CTPS2: variants seen among roughly 807,000 people sequenced by gnomAD.
CTPS2 encodes the protein CTP synthase II.
A neutral mutation model predicts 46.8 loss-of-function variants in CTPS2; 19 were observed. The observed-to-expected ratio is 0.41, with a 90% CI of 0.28 to 0.60. CTPS2 has a LOEUF of 0.60. Ranked by LOEUF, CTPS2 falls within the 20% of genes least tolerant of loss-of-function variation. The pLI is 0.35. For missense variants in CTPS2, 286 were observed against 447.6 expected (o/e 0.64, Z 3.26); for synonymous variants, 151 against 165.2 (o/e 0.91, Z 0.66).
rs147354532 is a variant in CTPS2, at chrX:16,686,263, G to C, written c.873-3037C>G. Reference sequence around the variant, plus strand: ...TTTGTATTGCAAAGAAAGGATAAAGGCTTGAGGTGATGGATACTCCATTTA... The same window carrying C: ...TTTGTATTGCAAAGAAAGGATAAAGCCTTGAGGTGATGGATACTCCATTTA... On this transcript the variant is annotated intron_variant, in intron 8 of 18. Coordinates refer to ENST00000359276, the MANE Select transcript of CTPS2 (RefSeq NM_175859.3). Among the ~76,000 whole-genome samples, 842 of 111,999 alleles carry C rather than the reference G, an allele frequency of 7.5e-3. 6 individuals are homozygous for C. Among genetic ancestry groups the C allele is most frequent in the African/African-American group, 0.026 (796 of 30,869 alleles).
chrX:16,636,919 A>AAAAAAAT (rs767872415), intron 14 of CTPS2, among the ~76,000 whole-genome samples: 3 of 111,329 alleles, frequency 2.7e-5, no homozygotes, highest in East Asian at 2.8e-4. Context: ...TCCGTCTCAA[A>AAAAAAAT]AAAAAATAAA....
At chrX:16,619,554 A>C (rs1043268665) in intron 15 of CTPS2, among the ~76,000 whole-genome samples, 7 of 110,790 alleles carry the variant, frequency 6.3e-5, no homozygotes, top group Non-Finnish European at 1.3e-4. Context: ...CAGAGACAAC[A>C]GGAGCCCTGG....
chrX:16,709,202 C>A (rs1479181070), intron 1 of CTPS2, among the ~76,000 whole-genome samples: 1 of 110,507 alleles, frequency 9.0e-6, no homozygotes, highest in Non-Finnish European at 1.9e-5. Flanking sequence ...CCAAGACGGG[C>A]GGATTGCCTG....
chrX:16,655,125 C>T (rs937834707), intron 13 of CTPS2, among the ~76,000 whole-genome samples: 1 of 111,292 alleles, frequency 9.0e-6, no homozygotes, highest in Non-Finnish European at 1.9e-5. Flanking sequence ...TATCCACTAG[C>T]GAGCAAGAAA....
chrX:16,694,905 G>A (rs1270578104), intron 4 of CTPS2, among the ~76,000 whole-genome samples: 3 of 111,501 alleles, frequency 2.7e-5, no homozygotes, highest in Non-Finnish European at 5.6e-5. Context: ...TGAGGTGGGA[G>A]GATCGCTTGA....
At chrX:16,632,899 GT>G (rs1931552901) in intron 14 of CTPS2, among the ~76,000 whole-genome samples, 1 of 110,691 alleles carries the variant, frequency 9.0e-6, no homozygotes, top group Non-Finnish European at 1.9e-5. Context: ...AAATAAGGAG[GT>G]TAGATCAAAC....
At chrX:16,619,656 C>T (rs1016889673) in intron 15 of CTPS2, among the ~76,000 whole-genome samples, 2 of 111,415 alleles carry the variant, frequency 1.8e-5, no homozygotes, top group Non-Finnish European at 3.8e-5. Context: ...TGAGTGACAA[C>T]AAGCAGGGAT....
intron 1 of CTPS2, among the ~76,000 whole-genome samples, chrX:16,710,809 G>A (rs1925411392): frequency 8.9e-6 from 1 of 112,080 alleles, no homozygotes; most frequent in Non-Finnish European, 1.9e-5. Context: ...AGTAGAGACA[G>A]GGTTTCACCA....
At chrX:16,660,353 A>G (rs1253970713) in intron 13 of CTPS2, among the ~76,000 whole-genome samples, 1 of 110,284 alleles carries the variant, frequency 9.1e-6, no homozygotes, top group Non-Finnish European at 1.9e-5. Flanking sequence ...AGGAGCTGGG[A>G]CTACAGGTAC....
intron 1 of CTPS2, 80 bp from the exon 2 acceptor site, chrX:16,703,021 A>T: frequency 1.8e-6 from 1 of 571,346 alleles, no homozygotes; most frequent in Non-Finnish European, 2.6e-6. Context: ...AACCAGAATT[A>T]ATTTTTTTTT....
At chrX:16,650,704 C>G (rs1437214931) in intron 13 of CTPS2, among the ~76,000 whole-genome samples, 1 of 109,011 alleles carries the variant, frequency 9.2e-6, no homozygotes, top group African/African-American at 3.3e-5. Flanking sequence ...CAGGGTCTCA[C>G]CATGTTGGCC....
chrX:16,655,666 T>A lies in CTPS2; in HGVS notation c.1296+11848A>T, dbSNP rs1190338787. ...CTGGTCACAGCAGTGCCCCGGAAGCTAGATTTTTATTTCTTCTTTATCCTC... is the reference window on the plus strand; with the variant it reads ...CTGGTCACAGCAGTGCCCCGGAAGCAAGATTTTTATTTCTTCTTTATCCTC... On this transcript the variant is annotated intron_variant, in intron 13 of 18. Coordinates refer to ENST00000359276, the MANE Select transcript of CTPS2 (RefSeq NM_175859.3). Among the ~76,000 whole-genome samples, 2 of 112,276 alleles carry A rather than the reference T, an allele frequency of 1.8e-5. 1 individual carries two copies. Among genetic ancestry groups the A allele is most frequent in the Non-Finnish European group, 3.8e-5 (2 of 53,243 alleles).
At chrX:16,667,293 CAGCT>C (rs1921277253) in intron 13 of CTPS2, among the ~76,000 whole-genome samples, 1 of 110,023 alleles carries the variant, frequency 9.1e-6, no homozygotes, top group South Asian at 3.9e-4. Flanking sequence ...CCACCACAGC[CAGCT>C]AATTTTTGTA....
At chrX:16,668,760 G>A (rs1277257871) in intron 11 of CTPS2, among the ~76,000 whole-genome samples, 2 of 79,567 alleles carry the variant, frequency 2.5e-5, no homozygotes, top group African/African-American at 5.3e-5. Flanking sequence ...AAAGAAGGAA[G>A]GAAGGAAGGA....
rs549821427 is a variant in CTPS2, at chrX:16,675,041, G to A, written c.1094+3321C>T. 4.4e-4 allele frequency among the ~76,000 whole-genome samples: 48 copies of A among 109,986 alleles called. No homozygotes were observed. The South Asian group carries it at 0.017, about 39-fold the overall frequency. Reference sequence around the variant, plus strand: ...AGCACTTTGGGAGGCTGAGGTGGGCGAATCACTTGAGGTCAGGAGTTCGAG... The same window carrying A: ...AGCACTTTGGGAGGCTGAGGTGGGCAAATCACTTGAGGTCAGGAGTTCGAG... On this transcript the variant is annotated intron_variant, in intron 10 of 18. Transcript: ENST00000359276.
At chrX:16,602,012 A>G (rs1929696712) in intron 17 of CTPS2, among the ~76,000 whole-genome samples, 1 of 111,728 alleles carries the variant, frequency 9.0e-6, no homozygotes, top group African/African-American at 3.3e-5. Flanking sequence ...GTGAATTCCA[A>G]CAACAGGAAT....
chrX:16,697,134 CA>C (rs1305092966), intron 4 of CTPS2, among the ~76,000 whole-genome samples: 1 of 110,888 alleles, frequency 9.0e-6, no homozygotes, highest in African/African-American at 3.3e-5. Flanking sequence ...AGAGGTTGAG[CA>C]AACTTGCCCA....
chrX:16,596,490 A>G (rs1363475264), intron 17 of CTPS2, among the ~76,000 whole-genome samples: 1 of 108,733 alleles, frequency 9.2e-6, no homozygotes, highest in Non-Finnish European at 1.9e-5. Context: ...ATGATTTCCA[A>G]TTTCATCCAT....
chrX:16,670,781 C>G, intron 10 of CTPS2, 107 bp from the exon 11 acceptor site: 1 of 489,316 alleles, frequency 2.0e-6, no homozygotes, highest in Non-Finnish European at 3.4e-6. Context: ...TGACTATGCT[C>G]AAGCTCTATT....
Sources: allele counts gnomAD v4.1 joint callset (sites outside exome capture counted in the v4.1 genomes callset), GRCh38; gene constraint gnomAD v4.1.1; transcripts MANE v1.5; gene names NCBI Gene and HGNC (gene_info 2026-07-23, HGNC 2026-07-21).